The following TAFA1 variants were observed in gnomAD, a reference collection of about 807,000 sequenced individuals.
The protein encoded by TAFA1 is TAFA chemokine like family member 1.
A neutral mutation model predicts 18.5 loss-of-function variants in TAFA1; 4 were observed. That is an observed-to-expected ratio of 0.22 (90% CI 0.11 to 0.49). The LOEUF (loss-of-function observed/expected upper bound fraction) is 0.49. Among genes scored for constraint, TAFA1 ranks in the 20% least tolerant of loss-of-function variants. The pLI is 0.98. For missense variants in TAFA1, 147 were observed against 169.0 expected (o/e 0.87, Z 0.72); for synonymous variants, 56 against 55.2 (o/e 1.01, Z -0.06).
intron 2 of TAFA1, among the ~76,000 whole-genome samples, chr3:68,126,697 C>A (rs2065468958): frequency 6.6e-6 from 1 of 152,218 alleles, no homozygotes; most frequent in South Asian, 2.1e-4. Context: ...AACATTACAT[C>A]ATGGGGCAAT....
At chr3:68,358,097 A>T (rs1482806577) in intron 2 of TAFA1, among the ~76,000 whole-genome samples, 1 of 151,940 alleles carries the variant, frequency 6.6e-6, no homozygotes, top group African/African-American at 2.4e-5. Context: ...GTTTATTCTT[A>T]TTATAGCAAT....
chr3:68,454,744 A>G (rs2106905446), intron 3 of TAFA1, among the ~76,000 whole-genome samples: 1 of 152,338 alleles, frequency 6.6e-6, no homozygotes, highest in African/African-American at 2.4e-5. Context: ...AAGTTGCATA[A>G]GAATTACCAA....
intron 2 of TAFA1, among the ~76,000 whole-genome samples, chr3:68,269,421 T>C (rs1026679596): frequency 4.6e-5 from 7 of 152,142 alleles, no homozygotes; most frequent in African/African-American, 1.7e-4. Context: ...TGAGCTATGA[T>C]TGCACCACTG....
At chr3:68,167,869 G>A (rs1186011357) in intron 2 of TAFA1, among the ~76,000 whole-genome samples, 1 of 151,978 alleles carries the variant, frequency 6.6e-6, no homozygotes, top group Non-Finnish European at 1.5e-5. Context: ...CAGAGACATT[G>A]TCCCCCTACC....
intron 2 of TAFA1, among the ~76,000 whole-genome samples, chr3:68,381,127 A>G (rs2069942373): frequency 9.3e-6 from 1 of 107,006 alleles, no homozygotes; most frequent in African/African-American, 3.6e-5. Flanking sequence ...CCATTGGTCT[A>G]TATCTCTGTT....
chr3:68,428,588 A>G (rs1282023396), intron 3 of TAFA1, among the ~76,000 whole-genome samples: 1 of 151,826 alleles, frequency 6.6e-6, no homozygotes, highest in African/African-American at 2.4e-5. Flanking sequence ...TCACCAACTG[A>G]CCTAAGACAT....
chr3:68,320,346 C>T (rs1259216131), intron 2 of TAFA1, among the ~76,000 whole-genome samples: 3 of 152,164 alleles, frequency 2.0e-5, no homozygotes, highest in East Asian at 3.9e-4. Flanking sequence ...ATCATCATTG[C>T]CCTGCTCTGC....
intron 2 of TAFA1, among the ~76,000 whole-genome samples, chr3:68,158,154 G>C (rs1273003620): frequency 1.3e-5 from 2 of 152,142 alleles, no homozygotes; most frequent in African/African-American, 2.4e-5. Context: ...GACAGTCCCA[G>C]ATTGAGAGGA....
At chr3:68,136,253 C>T (rs144564983) in intron 2 of TAFA1, among the ~76,000 whole-genome samples, 1 of 152,192 alleles carries the variant, frequency 6.6e-6, no homozygotes, top group African/African-American at 2.4e-5. Context: ...ATATAAGCAA[C>T]CCGAAAACAG....
intron 2 of TAFA1, among the ~76,000 whole-genome samples, chr3:68,243,611 G>A (rs2067030747): frequency 2.6e-5 from 4 of 152,074 alleles, no homozygotes; most frequent in Admixed American, 2.6e-4. Flanking sequence ...GTTCATCCAA[G>A]TTGTGTGTGT....
At chr3:68,534,879 G>A (rs936490157) in intron 3 of TAFA1, among the ~76,000 whole-genome samples, 1 of 151,888 alleles carries the variant, frequency 6.6e-6, no homozygotes, top group African/African-American at 2.4e-5. Context: ...CTTAGAAGGA[G>A]GCAACACCAA....
intron 2 of TAFA1, among the ~76,000 whole-genome samples, chr3:68,086,677 T>C (rs2106788247): frequency 6.6e-6 from 1 of 152,296 alleles, no homozygotes; most frequent in Admixed American, 6.5e-5. Flanking sequence ...AAACTTACCT[T>C]TAATGTAGTC....
At chr3:68,367,249 T>C (rs767547197) in intron 2 of TAFA1, among the ~76,000 whole-genome samples, 3 of 152,206 alleles carry the variant, frequency 2.0e-5, no homozygotes, top group African/African-American at 2.4e-5. Flanking sequence ...ACGTCCCTCA[T>C]TGGAAATCAG....
At chr3:68,538,923 G>A in intron 4 of TAFA1, 43 bp downstream of exon 4, 1 of 1,604,790 alleles carries the variant, frequency 6.2e-7, no homozygotes, top group Non-Finnish European at 8.5e-7. Flanking sequence ...GTTACAGACT[G>A]TACTATTTGA....
At chr3:68,349,269 C>CT (rs891339645) in intron 2 of TAFA1, among the ~76,000 whole-genome samples, 7 of 152,000 alleles carry the variant, frequency 4.6e-5, no homozygotes, top group African/African-American at 1.7e-4. Context: ...TCTGCACCTA[C>CT]TTTTTTCTTC....
intron 4 of TAFA1, among the ~76,000 whole-genome samples, chr3:68,543,096 T>G (rs898223989): frequency 3.3e-5 from 5 of 152,174 alleles, no homozygotes; most frequent in African/African-American, 1.2e-4. Flanking sequence ...GAAACATCTT[T>G]GTAGCTATAT....
chr3:68,354,482 C>A (rs887140696), intron 2 of TAFA1, among the ~76,000 whole-genome samples: 1 of 151,940 alleles, frequency 6.6e-6, no homozygotes, highest in African/African-American at 2.4e-5. Context: ...GACCAACTGA[C>A]AACCGCCATT....
At position 68,145,482 on chromosome 3, in the gene TAFA1, G is replaced by T. The variant is rs2106910511; in HGVS notation, c.118+138738G>T. Reference sequence around the variant, plus strand: ...GGATGGCAAGTTGATTCCACCACAAGAATGGTTCTGCCCAGAAAGCCAGTT... The same window carrying T: ...GGATGGCAAGTTGATTCCACCACAATAATGGTTCTGCCCAGAAAGCCAGTT... On this transcript the variant is annotated intron_variant, in intron 2 of 4. Coordinates refer to ENST00000478136, the MANE Select transcript of TAFA1 (RefSeq NM_213609.4). 4 of 904,018 alleles carry T rather than the reference G, an allele frequency of 4.4e-6. No homozygotes were observed. In the East Asian group the frequency reaches 9.6e-5, roughly 22 times the overall value. The allele number at this position is 904,018 out of a possible 1,614,324, so 56.0% of individuals were successfully genotyped here.
intron 3 of TAFA1, among the ~76,000 whole-genome samples, chr3:68,485,843 G>A (rs1232124028): frequency 1.3e-5 from 2 of 152,134 alleles, no homozygotes; most frequent in Admixed American, 6.5e-5. Context: ...GAAAGTTTGG[G>A]ATCATTGACT....
Sources: gnomAD v4.1 joint callset for allele counts (sites outside exome capture counted in the v4.1 genomes callset) on GRCh38, gnomAD v4.1.1 for gene constraint, MANE v1.5 for transcripts, NCBI Gene and HGNC (gene_info 2026-07-23, HGNC 2026-07-21) for gene names.